The following ABL1 variants were observed in gnomAD, a reference collection of about 807,000 sequenced individuals.
ABL1 encodes the protein tyrosine-protein kinase ABL1.
In ABL1, 11 loss-of-function variants were observed where a neutral mutation model predicts 94.7. The ratio of observed to expected loss-of-function variants is 0.12; its 90% CI spans 0.07 to 0.19. The LOEUF is 0.19. ABL1 is among the 10% of genes least tolerant of loss of function. The pLI, the probability that ABL1 is intolerant of heterozygous loss-of-function variation, is 1.00. For missense variants in ABL1, 1,082 were observed against 1,489.4 expected, an observed-to-expected ratio of 0.73 and a Z score of 4.50; for synonymous variants, 656 against 622.4, an observed-to-expected ratio of 1.05 and a Z score of -0.80.
intron 1 of ABL1, among the ~76,000 whole-genome samples, chr9:130,811,911 C>CAAAAAAAAAA (rs1203330162): frequency 5.4e-5 from 1 of 18,560 alleles, no homozygotes; most frequent in African/African-American, 1.5e-4. Flanking sequence ...GACTCCGTCT[C>CAAAAAAAAAA]AAAAAAAAAA....
chr9:130,869,609 A>G (rs1172607349), intron 4 of ABL1, among the ~76,000 whole-genome samples: 1 of 152,208 alleles, frequency 6.6e-6, no homozygotes, highest in African/African-American at 2.4e-5. Flanking sequence ...CTCCCTAACA[A>G]GCACAGAAGA....
At chr9:130,766,221 G>T (rs1025404838) in intron 1 of ABL1, among the ~76,000 whole-genome samples, 1 of 152,220 alleles carries the variant, frequency 6.6e-6, no homozygotes, top group Non-Finnish European at 1.5e-5. Context: ...CAGTGCCCCC[G>T]CCAGCCTGCT....
exon 1 of ABL1, chr9:130,713,890 C>T (rs1831403310): frequency 8.6e-6 from 2 of 232,004 alleles, no homozygotes; most frequent in East Asian, 6.1e-5. Flanking sequence ...GGGTTGGTGA[C>T]TTCCACAGGA....
At chr9:130,747,312 C>A (rs2855165) in intron 1 of ABL1, among the ~76,000 whole-genome samples, 34,743 of 151,940 alleles carry the variant, frequency 0.23, 4,215 homozygotes, top group Middle Eastern at 0.4. Context: ...TGGGAGGTGG[C>A]GGTTGCAGTG....
At chr9:130,753,691 G>T (rs1218100259) in intron 1 of ABL1, among the ~76,000 whole-genome samples, 1 of 151,622 alleles carries the variant, frequency 6.6e-6, no homozygotes, top group Non-Finnish European at 1.5e-5. Context: ...CTCCCAGAGT[G>T]CTGGGATTAC....
chr9:130,735,956 TA>T (rs1248963185), intron 1 of ABL1, among the ~76,000 whole-genome samples: 21,659 of 92,360 alleles, frequency 0.23, 2,485 homozygotes, highest in Middle Eastern at 0.41. Flanking sequence ...TATATATATA[TA>T]TATATTTTTT....
upstream of ABL1, chr9:130,834,058 C>T (rs553319303): frequency 2.0e-4 from 89 of 456,060 alleles, no homozygotes; most frequent in African/African-American, 1.1e-3. Context: ...AGTCCATCTC[C>T]GCCTGTTTCC....
At chr9:130,788,194 T>C (rs1448965287) in intron 1 of ABL1, among the ~76,000 whole-genome samples, 2 of 152,244 alleles carry the variant, frequency 1.3e-5, no homozygotes, top group Non-Finnish European at 2.9e-5. Context: ...CACCCCTGTT[T>C]TACTTTGTAT....
At chr9:130,865,330 A>G (rs1831136807) in intron 4 of ABL1, among the ~76,000 whole-genome samples, 1 of 152,234 alleles carries the variant, frequency 6.6e-6, no homozygotes, top group South Asian at 2.1e-4. Flanking sequence ...AAAATACGGT[A>G]CTAAGCAACT....
chr9:130,882,033 C>A (rs1019104227), intron 10 of ABL1, among the ~76,000 whole-genome samples: 32 of 152,144 alleles, frequency 2.1e-4, no homozygotes, highest in African/African-American at 6.3e-4. Context: ...GCAATACTTC[C>A]CGCCCCGCTG....
chr9:130,839,381 A>G (rs568439505), intron 1 of ABL1, among the ~76,000 whole-genome samples: 3 of 152,304 alleles, frequency 2.0e-5, no homozygotes, highest in South Asian at 2.1e-4. Flanking sequence ...CTCTCTCCTG[A>G]GGTCATCAGA....
chr9:130,745,488 C>A (rs1831877189), intron 1 of ABL1, among the ~76,000 whole-genome samples: 1 of 151,450 alleles, frequency 6.6e-6, no homozygotes, highest in South Asian at 2.1e-4. Flanking sequence ...AAAAAAAAAT[C>A]AAACCAACAA....
chr9:130,854,310 C>G (rs1309915528), intron 2 of ABL1, 73 bp downstream of exon 2: 6 of 1,525,592 alleles, frequency 3.9e-6, no homozygotes, highest in Non-Finnish European at 4.4e-6. Context: ...GACCTACCAC[C>G]CTTTGCTCGT....
At chr9:130,878,669 C>G (rs867276463) in intron 8 of ABL1, 102 bp downstream of exon 8, 1 of 1,394,766 alleles carries the variant, frequency 7.2e-7, no homozygotes, top group Admixed American at 2.0e-5. Context: ...TCCATGAGCT[C>G]TCTCCATTCC....
intron 1 of ABL1, among the ~76,000 whole-genome samples, chr9:130,838,770 TTC>T (rs1830626060): frequency 1.3e-5 from 2 of 152,252 alleles, no homozygotes; most frequent in South Asian, 4.1e-4. Context: ...GGGTTTTCTT[TTC>T]ATTTTATTTT....
chr9:130,805,449 T>C (rs1264713137), intron 1 of ABL1, among the ~76,000 whole-genome samples: 3 of 152,244 alleles, frequency 2.0e-5, no homozygotes, highest in South Asian at 2.1e-4. Flanking sequence ...AGAAAGTTTT[T>C]CTTTTTCTTA....
chr9:130,751,504 G>A (rs181493144), intron 1 of ABL1, among the ~76,000 whole-genome samples: 1 of 152,196 alleles, frequency 6.6e-6, no homozygotes, highest in East Asian at 1.9e-4. Flanking sequence ...ACAGTTATGG[G>A]GAGGGCTGAA....
chr9:130,807,285 G>A (rs1394721401), intron 1 of ABL1, among the ~76,000 whole-genome samples: 1 of 152,106 alleles, frequency 6.6e-6, no homozygotes, highest in East Asian at 1.9e-4. Flanking sequence ...GTCTCACTCT[G>A]TTGACCAGGC....
At chr9:130,815,258 C>G (rs540309992) in intron 1 of ABL1, among the ~76,000 whole-genome samples, 6 of 151,518 alleles carry the variant, frequency 4.0e-5, no homozygotes, top group Non-Finnish European at 8.8e-5. Context: ...CGCTTGAACC[C>G]GGGAGGCGGA....
Sources: gnomAD v4.1 joint callset for allele counts (sites outside exome capture counted in the v4.1 genomes callset) on GRCh38, gnomAD v4.1.1 for gene constraint, MANE v1.5 for transcripts, NCBI Gene and HGNC (gene_info 2026-07-23, HGNC 2026-07-21) for gene names.